BOC: variants seen among roughly 807,000 people sequenced by gnomAD.
BOC encodes the protein brother of CDO.
In BOC, 76 loss-of-function variants were observed where a neutral mutation model predicts 112.0. The observed-to-expected ratio is 0.68, with a 90% CI of 0.56 to 0.82. The LOEUF (loss-of-function observed/expected upper bound fraction) is 0.82, where lower values mean the gene tolerates loss of function less well. BOC is among the 40% of genes least tolerant of loss of function. BOC has a pLI of 0.00. For missense variants in BOC, 1,309 were observed against 1,511.7 expected, an observed-to-expected ratio of 0.87 and a Z score of 2.22; for synonymous variants, 580 against 599.8, an observed-to-expected ratio of 0.97 and a Z score of 0.48.
chr3:113,272,602 A>T lies in BOC; in HGVS notation c.860A>T (p.Asp287Val). 1 of 1,613,810 alleles carries T rather than the reference A, an allele frequency of 6.2e-7. No individual in the cohort carries two copies. Among genetic ancestry groups the T allele is most frequent in the Non-Finnish European group, 8.5e-7 (1 of 1,179,952 alleles). The change falls in exon 7 of 20, where the codon GAC (aspartate) becomes GTC (valine). Residue 287 changes from aspartate to valine, a missense_variant. Asp to Val is a radical substitution (Grantham distance 152). Coordinates refer to ENST00000682979, the MANE Select transcript of BOC (RefSeq NM_001378074.1). Reference sequence around the variant, plus strand: ...TTCCTGCTGAGCAACCTCCTCATCGACACCACCAGCGAGGAGGACTCAGGC... The same window carrying T: ...TTCCTGCTGAGCAACCTCCTCATCGTCACCACCAGCGAGGAGGACTCAGGC... ...TRFLLSNLLI[D>V]TTSEEDSGTY...
At chr3:113,283,929 A>G (rs766450631) in intron 16 of BOC, among the ~76,000 whole-genome samples, 6 of 151,806 alleles carry the variant, frequency 4.0e-5, no homozygotes, top group Non-Finnish European at 7.4e-5. Flanking sequence ...TCCTACTTAC[A>G]GTCCATCCTG....
At position 113,279,915 on chromosome 3, in the gene BOC, C is replaced by T. The variant is rs779968377; in HGVS notation, c.2115C>T (p.Tyr705=). Residue 705 remains tyrosine, a synonymous_variant, in exon 13 of 20, where the codon TAC becomes TAT. Coordinates refer to ENST00000682979, the MANE Select transcript of BOC (RefSeq NM_001378074.1). ...APSRPYVVSG[Y]SGRVYERPVA... The stretch of plus-strand genomic sequence containing the variant: ...CTCGGCCCTACGTGGTGTCGGGCTA[C>T]AGCGGTCGCGTGTACGAGAGGCCCG... 3.7e-6 allele frequency: 6 copies of T among 1,614,066 alleles called. No homozygotes were observed. Among genetic ancestry groups the T allele is most frequent in the East Asian group, 2.2e-5 (1 of 44,874 alleles).
chr3:113,284,395 T>C lies in BOC; in HGVS notation c.2717T>C (p.Met906Thr), dbSNP rs1425212100. 1.2e-6 allele frequency: 2 copies of C among 1,614,232 alleles called. No individual in the cohort carries two copies. The highest frequency in any genetic ancestry group is 1.7e-5 in the Admixed American group (1 of 60,032). The change falls in exon 17 of 20, where the codon ATG (methionine) becomes ACG (threonine). Residue 906 changes from methionine to threonine, a missense_variant. Met to Thr is a moderately conservative substitution (Grantham distance 81). Transcript: ENST00000682979. Reference sequence around the variant, plus strand: ...CTTCCACCCTCCTGCCCGTATACTATGGTGCCATTGGGAGGACTCCCAGGC... The same window carrying C: ...CTTCCACCCTCCTGCCCGTATACTACGGTGCCATTGGGAGGACTCCCAGGC... ...SALPPSCPYT[M>T]VPLGGLPGHQ...
intron 2 of BOC, among the ~76,000 whole-genome samples, chr3:113,236,955 A>G (rs1283387951): frequency 2.0e-5 from 3 of 152,230 alleles, no homozygotes; most frequent in Non-Finnish European, 2.9e-5. Context: ...TTCACAAAGT[A>G]TAAACTGAGG....
intron 2 of BOC, among the ~76,000 whole-genome samples, chr3:113,228,647 A>G (rs759998049): frequency 1.8e-4 from 28 of 152,070 alleles, no homozygotes; most frequent in Non-Finnish European, 3.7e-4. Context: ...GGCTGTTCCA[A>G]ATGTTGGGGG....
At chr3:113,241,508 C>A (rs1944291743) in intron 2 of BOC, among the ~76,000 whole-genome samples, 1 of 152,134 alleles carries the variant, frequency 6.6e-6, no homozygotes, top group Non-Finnish European at 1.5e-5. Context: ...CCCCAAAGTC[C>A]AGCCTTTCCA....
At position 113,287,408 on chromosome 3, in the gene BOC, A is replaced by G. The variant is rs540675206; in HGVS notation, c.*546A>G. On this transcript the variant is annotated 3_prime_UTR_variant, in exon 20 of 20. Coordinates refer to ENST00000682979, the MANE Select transcript of BOC (RefSeq NM_001378074.1). The stretch of plus-strand genomic sequence containing the variant: ...TCCGTGGCAACATATCTCTGTAAAA[A>G]CAAACACTGTAACTTCTAAATAAAT... 5 of 157,098 alleles carry G rather than the reference A, an allele frequency of 3.2e-5. No homozygotes were observed. Among genetic ancestry groups the G allele is most frequent in the African/African-American group, 1.2e-4 (5 of 41,382 alleles). The allele number at this position is 157,098 out of a possible 1,614,324, so 9.7% of individuals were successfully genotyped here.
At chr3:113,249,206 T>C (rs1315922241) in intron 2 of BOC, among the ~76,000 whole-genome samples, 1 of 152,196 alleles carries the variant, frequency 6.6e-6, no homozygotes, top group Non-Finnish European at 1.5e-5. Context: ...CTAGGATTCA[T>C]TCACTTAGTA....
intron 4 of BOC, among the ~76,000 whole-genome samples, chr3:113,257,808 G>T (rs751144847): frequency 6.6e-6 from 1 of 152,106 alleles, no homozygotes; most frequent in Non-Finnish European, 1.5e-5. Context: ...AATAAGGCAA[G>T]ACCAAAATTC....
chr3:113,271,012 G>A (rs746112709), intron 6 of BOC, 68 bp downstream of exon 6: 1 of 1,605,364 alleles, frequency 6.2e-7, no homozygotes, highest in Non-Finnish European at 8.5e-7. Context: ...AGATGGAAAG[G>A]GAGGTAGATA....
At chr3:113,241,422 C>G (rs926593503) in intron 2 of BOC, among the ~76,000 whole-genome samples, 4 of 152,098 alleles carry the variant, frequency 2.6e-5, no homozygotes, top group African/African-American at 4.8e-5. Flanking sequence ...GCCCTCTCCC[C>G]CTCTGCTCTC....
rs548199580 is a variant in BOC at position 113,272,431 on chromosome 3, G to A, written c.689G>A (p.Arg230His). Residue 230 changes from arginine to histidine, a missense_variant, in exon 7 of 20, where the codon CGC becomes CAC. Physicochemically the swap from Arg to His is conservative, Grantham distance 29. Transcript: ENST00000682979. ...RVRRSTAEAA[R>H]IIYPPEAQTI... ...CCAGGCTCCACCGCTGAGGCTGCCCGCATCATCTACCCCCCAGAGGCCCAA... is the reference window on the plus strand; with the variant it reads ...CCAGGCTCCACCGCTGAGGCTGCCCACATCATCTACCCCCCAGAGGCCCAA... 1.9e-5 allele frequency: 30 copies of A among 1,613,468 alleles called. No individual in the cohort carries two copies. Among genetic ancestry groups the A allele is most frequent in the East Asian group, 8.9e-5 (4 of 44,846 alleles).
At position 113,272,720 on chromosome 3, in the gene BOC, G is replaced by T. The variant is rs1432719018; in HGVS notation, c.961+17G>T. The T allele has an allele frequency of 6.2e-7, 1 of 1,611,280 alleles. No individual in the cohort carries two copies. Among genetic ancestry groups the T allele is most frequent in the Non-Finnish European group, 8.5e-7 (1 of 1,178,192 alleles). ...AGGTGTTTGGTGAGTGTCTGCTGTG[G>T]ACTGTCTTCTGCTTGGCCTTCTCTC... On this transcript the variant is annotated intron_variant, in intron 7 of 19. Coordinates refer to ENST00000682979, the MANE Select transcript of BOC (RefSeq NM_001378074.1).
intron 2 of BOC, among the ~76,000 whole-genome samples, chr3:113,216,951 G>A (rs1939512743): frequency 6.6e-6 from 1 of 152,196 alleles, no homozygotes; most frequent in African/African-American, 2.4e-5. Context: ...ATTACCCGAA[G>A]CTGAGCAGTG....
chr3:113,266,362 G>A (rs1472445156), intron 4 of BOC, among the ~76,000 whole-genome samples: 1 of 152,168 alleles, frequency 6.6e-6, no homozygotes, highest in East Asian at 1.9e-4. Context: ...TCCTTGAATA[G>A]CATGTATTTC....
intron 15 of BOC, 148 bp from the exon 16 acceptor site, chr3:113,283,263 A>G (rs1949356453): frequency 3.9e-6 from 3 of 766,900 alleles, no homozygotes; most frequent in Non-Finnish European, 6.4e-6. Flanking sequence ...GAGTGTGGAC[A>G]CCATTCAAAT....
intron 2 of BOC, among the ~76,000 whole-genome samples, chr3:113,230,757 AT>A (rs1358264522): frequency 6.6e-6 from 1 of 152,202 alleles, no homozygotes; most frequent in Non-Finnish European, 1.5e-5. Context: ...AATCTCAGTG[AT>A]TTTTAACTTG....
intron 15 of BOC, among the ~76,000 whole-genome samples, chr3:113,282,961 C>T (rs1424151724): frequency 6.6e-6 from 1 of 152,164 alleles, no homozygotes; most frequent in African/African-American, 2.4e-5. Context: ...ACCTGTCCCC[C>T]TGCTGTGATC....
At chr3:113,215,716 C>G (rs1939234883) in intron 1 of BOC, among the ~76,000 whole-genome samples, 1 of 152,214 alleles carries the variant, frequency 6.6e-6, no homozygotes, top group African/African-American at 2.4e-5. Context: ...TCTTAAAGCT[C>G]TGCTGTGTAG....
Sources: gnomAD v4.1 joint callset for allele counts (sites outside exome capture counted in the v4.1 genomes callset) on GRCh38, gnomAD v4.1.1 for gene constraint, MANE v1.5 for transcripts, NCBI Gene and HGNC (gene_info 2026-07-23, HGNC 2026-07-21) for gene names.